Variants in SEC22A observed in about 807,000 individuals in gnomAD.
SEC22A encodes the protein SEC22 homolog A, vesicle trafficking protein.
Under a neutral mutation model 35.3 loss-of-function variants are expected in SEC22A, and 22 were observed. The ratio of observed to expected loss-of-function variants is 0.62; its 90% CI spans 0.45 to 0.89. The LOEUF is 0.89. Ranked by LOEUF, SEC22A falls within the 40% of genes least tolerant of loss-of-function variation. The pLI is 0.00. For synonymous variants in SEC22A, 119 were observed against 129.5 expected, an observed-to-expected ratio of 0.92 and a Z score of 0.55; for missense variants, 354 against 362.5, an observed-to-expected ratio of 0.98 and a Z score of 0.19.
At chr3:123,222,680 G>A (rs1937148616) in intron 2 of SEC22A, among the ~76,000 whole-genome samples, 2 of 152,166 alleles carry the variant, frequency 1.3e-5, no homozygotes, top group South Asian at 2.1e-4. Flanking sequence ...GTCTTTCTCA[G>A]GATATAACAT....
chr3:123,220,890 A>ATATATATATATATATATATATATATG (rs1214047235), intron 2 of SEC22A, among the ~76,000 whole-genome samples: 33 of 144,496 alleles, frequency 2.3e-4, no homozygotes, highest in Non-Finnish European at 4.0e-4. Flanking sequence ...ACATATATAT[A>ATATATATATATATATATATATATATG]TATATATGTC....
At chr3:123,202,982 G>A (rs1223692912) in intron 1 of SEC22A, among the ~76,000 whole-genome samples, 2 of 144,910 alleles carry the variant, frequency 1.4e-5, no homozygotes, top group African/African-American at 5.2e-5. Context: ...TCTGACACCT[G>A]TGACCATATC....
At chr3:123,214,053 G>C in intron 2 of SEC22A, among the ~76,000 whole-genome samples, 1 of 134,072 alleles carries the variant, frequency 7.5e-6, no homozygotes, top group East Asian at 2.1e-4. Context: ...TAAAAAGCCG[G>C]GTGTGGTGAT....
At chr3:123,236,445 G>A (rs1426572776) in intron 4 of SEC22A, among the ~76,000 whole-genome samples, 3 of 152,186 alleles carry the variant, frequency 2.0e-5, no homozygotes, top group Admixed American at 1.3e-4. Flanking sequence ...GGGATGCAGA[G>A]GAGGATGGAG....
intron 6 of SEC22A, among the ~76,000 whole-genome samples, chr3:123,261,267 GC>G (rs1453639676): frequency 2.6e-5 from 4 of 152,110 alleles, no homozygotes; most frequent in Non-Finnish European, 4.4e-5. Context: ...GTCACATAGT[GC>G]TTTAATTTTA....
At chr3:123,243,750 TTACTG>T (rs1369769416) in intron 4 of SEC22A, 1 of 152,224 alleles carries the variant, frequency 6.6e-6, no homozygotes. Context: ...ATATATTAAT[TTACTG>T]TAACCAATAG....
chr3:123,223,713 A>G lies in SEC22A; in HGVS notation c.337A>G (p.Ile113Val), dbSNP rs1421973809. ...TNTAVRPYCF[I>V]EFDNFIQRTK... ...TACTGCTGTCAGACCATACTGTTTC[A>G]TTGAATTTGGTAAGGGCCTGATTTT... Residue 113 changes from isoleucine to valine, a missense_variant, in exon 3 of 7, where the codon ATT (isoleucine) becomes GTT (valine). Transcript: ENST00000492595. 3 of 1,611,248 alleles carry G rather than the reference A, an allele frequency of 1.9e-6. No homozygotes were observed. Among genetic ancestry groups the G allele is most frequent in the East Asian group, 4.5e-5 (2 of 44,788 alleles).
chr3:123,260,477 T>C (rs1937866507), intron 6 of SEC22A, among the ~76,000 whole-genome samples: 1 of 152,040 alleles, frequency 6.6e-6, no homozygotes, highest in Non-Finnish European at 1.5e-5. Context: ...ACTGTGAAAC[T>C]TAAGGAGGGA....
At chr3:123,256,786 T>G (rs6438785) in intron 5 of SEC22A, among the ~76,000 whole-genome samples, 84,444 of 138,828 alleles carry the variant, frequency 0.61, 26,183 homozygotes, top group African/African-American at 0.67. Context: ...TTGAGGTGGA[T>G]TCTCGCTCTG....
At chr3:123,224,686 G>A (rs2108048772) in intron 3 of SEC22A, among the ~76,000 whole-genome samples, 1 of 152,258 alleles carries the variant, frequency 6.6e-6, no homozygotes, top group African/African-American at 2.4e-5. Context: ...AGCTGCTTGG[G>A]AGACTGAGGC....
intron 6 of SEC22A, among the ~76,000 whole-genome samples, chr3:123,270,755 CG>C (rs1394285969): frequency 6.6e-6 from 1 of 152,080 alleles, no homozygotes; most frequent in Non-Finnish European, 1.5e-5. Flanking sequence ...TGGGCAGGAG[CG>C]GTGAGAGGGG....
At chr3:123,259,331 T>G (rs1398533237) in intron 5 of SEC22A, among the ~76,000 whole-genome samples, 193 bp from the exon 6 acceptor site, 1 of 152,152 alleles carries the variant, frequency 6.6e-6, no homozygotes, top group Non-Finnish European at 1.5e-5. Flanking sequence ...GGAACACTTG[T>G]ACCTCTACCT....
At chr3:123,240,623 T>G (rs1937511618) in intron 4 of SEC22A, among the ~76,000 whole-genome samples, 1 of 152,236 alleles carries the variant, frequency 6.6e-6, no homozygotes, top group Non-Finnish European at 1.5e-5. Flanking sequence ...ACATATATTT[T>G]CATTTCCCTT....
intron 2 of SEC22A, 60 bp downstream of exon 2, chr3:123,209,459 T>G: frequency 2.9e-6 from 4 of 1,401,790 alleles, no homozygotes; most frequent in Non-Finnish European, 3.9e-6. Context: ...TTTAATGAAG[T>G]TTAAGTGGTT....
intron 6 of SEC22A, among the ~76,000 whole-genome samples, chr3:123,268,602 A>C (rs1227950461): frequency 6.6e-6 from 1 of 152,236 alleles, no homozygotes; most frequent in Non-Finnish European, 1.5e-5. Context: ...TACAGACATC[A>C]TGATATTTTT....
intron 6 of SEC22A, among the ~76,000 whole-genome samples, chr3:123,264,870 C>G (rs931863318): frequency 2.6e-5 from 4 of 151,980 alleles, no homozygotes; most frequent in African/African-American, 9.7e-5. Flanking sequence ...TGGTCATGAA[C>G]TCCTGATCTC....
chr3:123,236,138 C>T (rs56007216), intron 4 of SEC22A, among the ~76,000 whole-genome samples: 2,227 of 152,190 alleles, frequency 0.015, 49 homozygotes, highest in African/African-American at 0.05. Context: ...TGTTGTACAA[C>T]TCTGAGTATA....
At chr3:123,237,049 A>G (rs768131614) in intron 4 of SEC22A, among the ~76,000 whole-genome samples, 3 of 152,212 alleles carry the variant, frequency 2.0e-5, no homozygotes, top group Non-Finnish European at 4.4e-5. Context: ...TTTGCAGGTC[A>G]TATGGCCTCT....
At chr3:123,254,841 G>A (rs1262175404) in intron 5 of SEC22A, among the ~76,000 whole-genome samples, 2 of 151,662 alleles carry the variant, frequency 1.3e-5, no homozygotes, top group African/African-American at 4.8e-5. Context: ...CCATTAACTC[G>A]TCATTTACAT....
Sources: allele counts gnomAD v4.1 joint callset (sites outside exome capture counted in the v4.1 genomes callset), GRCh38; gene constraint gnomAD v4.1.1; transcripts MANE v1.5; gene names NCBI Gene and HGNC (gene_info 2026-07-23, HGNC 2026-07-21).